CLEC3A: variants seen among roughly 807,000 people sequenced by gnomAD.
CLEC3A encodes the protein C-type lectin domain family 3 member A.
CLEC3A carries 28 observed loss-of-function variants against 20.4 expected under a neutral mutation model. The ratio of observed to expected loss-of-function variants is 1.37; its 90% CI spans 1.02 to 1.88. CLEC3A has a LOEUF of 1.88. Ranked by LOEUF, CLEC3A falls within the 40% of genes most tolerant of loss-of-function variation. The pLI, the probability that CLEC3A is intolerant of heterozygous loss-of-function variation, is 0.00. For missense variants in CLEC3A, 357 were observed against 240.4 expected (o/e 1.48, Z -3.21); for synonymous variants, 110 against 88.1 (o/e 1.25, Z -1.39).
chr16:78,022,994 T>C (rs1356757155), intron 1 of CLEC3A, among the ~76,000 whole-genome samples: 1 of 152,208 alleles, frequency 6.6e-6, no homozygotes, highest in Admixed American at 6.5e-5. Flanking sequence ...TTCTGTGTTG[T>C]ATATTTTTTG....
chr16:78,027,036 C>T (rs1243712739), intron 1 of CLEC3A, among the ~76,000 whole-genome samples: 1 of 152,098 alleles, frequency 6.6e-6, no homozygotes, highest in Non-Finnish European at 1.5e-5. Flanking sequence ...TTGGACTTGT[C>T]CTCATTCTTC....
rs962374623 is a variant in CLEC3A, at chr16:78,022,584, T to A, written c.-43T>A. On this transcript the variant is annotated 5_prime_UTR_variant, in exon 1 of 3. Transcript: ENST00000299642. ...GTGTAGTCTCCTTCCATAGCTGCTC[T>A]AAGGGGGCTGGCAACATGGCTCAGC... is the stretch of plus-strand genomic sequence containing the variant. 1.7e-5 allele frequency: 28 copies of A among 1,608,828 alleles called. No individual in the cohort carries two copies. The highest frequency in any genetic ancestry group is 8.4e-5 in the Admixed American group (5 of 59,328).
chr16:78,026,144 T>C (rs1226190191), intron 1 of CLEC3A, among the ~76,000 whole-genome samples: 1 of 152,192 alleles, frequency 6.6e-6, no homozygotes. Context: ...AGCTGAGCCA[T>C]GGGATGCTTT....
At chr16:78,030,401 T>A in intron 2 of CLEC3A, 46 bp from the exon 3 acceptor site, 3 of 1,523,960 alleles carry the variant, frequency 2.0e-6, no homozygotes, top group South Asian at 1.3e-5. Flanking sequence ...CTAGTCATAA[T>A]ACACTCAAAA....
chr16:78,029,088 C>T, intron 2 of CLEC3A: 2 of 454,198 alleles, frequency 4.4e-6, no homozygotes, highest in South Asian at 1.6e-5. Context: ...ATTAATCCTC[C>T]AGCAACTTAA....
chr16:78,030,606 G>C lies in CLEC3A; in HGVS notation c.359G>C (p.Arg120Thr), dbSNP rs780873077. ...EINALQDYGK[R>T]SLPGVNDFWL... ...AACGCCCTCCAAGACTATGGTAAAA[G>C]GAGCCTGCCAGGTGTCAATGACTTT... The change falls in exon 3 of 3, where the codon AGG becomes ACG. Residue 120 changes from arginine to threonine, a missense_variant. By Grantham distance (71) the Arg-to-Thr change is moderately conservative. Coordinates refer to ENST00000299642, the MANE Select transcript of CLEC3A (RefSeq NM_005752.6). 20 of 1,614,028 alleles carry C rather than the reference G, an allele frequency of 1.2e-5. No homozygotes were observed. Among genetic ancestry groups the C allele is most frequent in the Non-Finnish European group, 1.7e-5 (20 of 1,180,044 alleles).
At chr16:78,027,041 T>C (rs970556515) in intron 1 of CLEC3A, among the ~76,000 whole-genome samples, 1 of 152,202 alleles carries the variant, frequency 6.6e-6, no homozygotes, top group Non-Finnish European at 1.5e-5. Flanking sequence ...CTTGTCCTCA[T>C]TCTTCAGTGG....
rs866218755 is a variant in CLEC3A at position 78,030,617 on chromosome 16, G to A, written c.370G>A (p.Gly124Ser). 2 of 1,614,126 alleles carry A rather than the reference G, an allele frequency of 1.2e-6. No individual in the cohort carries two copies. The highest frequency in any genetic ancestry group is 2.7e-5 in the African/African-American group (2 of 75,026). ...AGACTATGGTAAAAGGAGCCTGCCA[G>A]GTGTCAATGACTTTTGGCTGGGCAT... The part of the protein sequence containing the change: ...LQDYGKRSLP[G>S]VNDFWLGIND... The change falls in exon 3 of 3, where the codon GGT (glycine) becomes AGT (serine). Residue 124 changes from glycine to serine, a missense_variant. Physicochemically the swap from Gly to Ser is moderately conservative, Grantham distance 56 (BLOSUM62 0). Transcript: ENST00000299642.
chr16:78,027,686 C>T (rs984299098), intron 1 of CLEC3A, among the ~76,000 whole-genome samples: 1 of 151,810 alleles, frequency 6.6e-6, no homozygotes, highest in African/African-American at 2.4e-5. Context: ...GACAGAGTTT[C>T]ACTCCCTCAC....
intron 1 of CLEC3A, among the ~76,000 whole-genome samples, chr16:78,024,705 T>C (rs542805213): frequency 1.3e-5 from 2 of 152,292 alleles, no homozygotes; most frequent in African/African-American, 2.4e-5. Context: ...TGAAATATAA[T>C]AATACCAGTG....
intron 2 of CLEC3A, among the ~76,000 whole-genome samples, chr16:78,030,084 C>A (rs554980499): frequency 7.3e-6 from 1 of 136,680 alleles, no homozygotes; most frequent in Non-Finnish European, 1.5e-5. Context: ...ATCCGGGAGG[C>A]GGAGCTTGCA....
At chr16:78,026,612 G>C (rs918391791) in intron 1 of CLEC3A, among the ~76,000 whole-genome samples, 8 of 152,166 alleles carry the variant, frequency 5.3e-5, no homozygotes, top group South Asian at 4.2e-4. Context: ...CTCTCTCAAA[G>C]CACTACTGAA....
chr16:78,024,410 C>G (rs2707599), intron 1 of CLEC3A, among the ~76,000 whole-genome samples: 1 of 152,088 alleles, frequency 6.6e-6, no homozygotes, highest in Non-Finnish European at 1.5e-5. Flanking sequence ...CCTCCTCCCA[C>G]TCTCTTCTCT....
Position 78,028,182 on chromosome 16 carries a change from T to C in CLEC3A, c.191T>C (p.Leu64Pro), listed in dbSNP as rs1293441388. The change falls in exon 2 of 3, where the codon CTG (leucine) becomes CCG (proline). Residue 64 changes from leucine (L) to proline (P), a missense_variant. Physicochemically the swap from Leu to Pro is moderately conservative, Grantham distance 98. Coordinates refer to ENST00000299642, the MANE Select transcript of CLEC3A (RefSeq NM_005752.6). The part of the protein sequence containing the change: ...EVNALKEIQA[L>P]QTVCLRGTKV... Reference sequence around the variant, plus strand: ...AATGCCTTGAAGGAAATTCAAGCCCTGCAGACAGGTAAGGTGCAGACCTTC... The same window carrying C: ...AATGCCTTGAAGGAAATTCAAGCCCCGCAGACAGGTAAGGTGCAGACCTTC... The C allele has an allele frequency of 5.0e-6, 8 of 1,607,962 alleles. No homozygotes were observed. The highest frequency in any genetic ancestry group is 6.8e-6 in the Non-Finnish European group (8 of 1,178,440).
intron 1 of CLEC3A, among the ~76,000 whole-genome samples, chr16:78,026,953 T>G (rs993162694): frequency 3.3e-5 from 5 of 152,204 alleles, no homozygotes; most frequent in African/African-American, 1.2e-4. Context: ...GTCGGAACAC[T>G]GGGGACAGGG....
At chr16:78,029,561 G>A (rs912987476) in intron 2 of CLEC3A, among the ~76,000 whole-genome samples, 6 of 151,926 alleles carry the variant, frequency 3.9e-5, no homozygotes, top group Non-Finnish European at 7.4e-5. Flanking sequence ...GTACAGACGG[G>A]GTTTCACTAT....
chr16:78,030,919 A>C lies in CLEC3A; in HGVS notation c.*78A>C. ...TGATCTCTAAGATCAAGTAAAAATC[A>C]TAATTTTTACTTATTAAAAAATTGC... On this transcript the variant is annotated 3_prime_UTR_variant, in exon 3 of 3. Coordinates refer to ENST00000299642, the MANE Select transcript of CLEC3A (RefSeq NM_005752.6). 1 of 1,457,628 alleles carries C rather than the reference A, an allele frequency of 6.9e-7. No individual in the cohort carries two copies. The highest frequency in any genetic ancestry group is 1.4e-5 in the South Asian group (1 of 70,622). The allele number at this position is 1,457,628 out of a possible 1,614,324, so 90.3% of individuals were successfully genotyped here.
At position 78,031,812 on chromosome 16, in the gene CLEC3A, T is replaced by C. The variant is rs981052557; in HGVS notation, c.*971T>C. Reference sequence around the variant, plus strand: ...AAGAATGCTATCTTGGAAAATTGCATACGTCTGTGCAATTTTTTATTCTGC... The same window carrying C: ...AAGAATGCTATCTTGGAAAATTGCACACGTCTGTGCAATTTTTTATTCTGC... On this transcript the variant is annotated 3_prime_UTR_variant, in exon 3 of 3. Coordinates refer to ENST00000299642, the MANE Select transcript of CLEC3A (RefSeq NM_005752.6). The C allele has an allele frequency of 1.3e-5, 2 of 152,328 alleles. No individual in the cohort carries two copies. Among genetic ancestry groups the C allele is most frequent in the South Asian group, 2.1e-4 (1 of 4,830 alleles). The allele number at this position is 152,328 out of a possible 1,614,324, so 9.4% of individuals were successfully genotyped here.
intron 1 of CLEC3A, among the ~76,000 whole-genome samples, chr16:78,023,776 GAGAC>G (rs1555527567): frequency 7.6e-6 from 1 of 130,944 alleles, no homozygotes; most frequent in Non-Finnish European, 1.6e-5. Context: ...TTTTTTTTCT[GAGAC>G]AGAGTCTCGC....
Sources: allele counts gnomAD v4.1 joint callset (sites outside exome capture counted in the v4.1 genomes callset), GRCh38; gene constraint gnomAD v4.1.1; transcripts MANE v1.5; gene names NCBI Gene and HGNC (gene_info 2026-07-23, HGNC 2026-07-21).